ZSCAN5A: variants seen among roughly 807,000 people sequenced by gnomAD.
ZSCAN5A encodes zinc finger and SCAN domain-containing protein 5A.
In ZSCAN5A, 12 loss-of-function variants were observed where a neutral mutation model predicts 23.7. The observed-to-expected ratio is 0.51, with a 90% CI of 0.32 to 0.82. The LOEUF (loss-of-function observed/expected upper bound fraction) is 0.82, where lower values mean the gene tolerates loss of function less well. Ranked by LOEUF, ZSCAN5A falls within the 40% of genes least tolerant of loss-of-function variation. ZSCAN5A has a pLI of 0.03. For synonymous variants in ZSCAN5A, 257 were observed against 239.9 expected, an observed-to-expected ratio of 1.07 and a Z score of -0.66; for missense variants, 597 against 617.9, an observed-to-expected ratio of 0.97 and a Z score of 0.36.
intron 1 of ZSCAN5A, chr19:56,367,849 C>A (rs1036434673): frequency 6.6e-6 from 1 of 152,114 alleles, no homozygotes; most frequent in African/African-American, 2.4e-5. Context: ...GGAGAATGGG[C>A]CTAACCTCAC....
At chr19:56,342,659 T>C (rs908383213) in intron 2 of ZSCAN5A, 5 of 544,060 alleles carry the variant, frequency 9.2e-6, no homozygotes, top group Non-Finnish European at 1.0e-5. Context: ...CTTGACCTCC[T>C]GCCAGTAGGA....
upstream of ZSCAN5A, chr19:56,315,179 G>A (rs1446919325): frequency 6.6e-6 from 1 of 152,378 alleles, no homozygotes; most frequent in Non-Finnish European, 1.5e-5. Context: ...GACGCCGGAA[G>A]TCTGGGAATA....
At chr19:56,259,871 G>A (rs1308475083) in intron 2 of ZSCAN5A, among the ~76,000 whole-genome samples, 4 of 152,220 alleles carry the variant, frequency 2.6e-5, no homozygotes, top group Non-Finnish European at 5.9e-5. Context: ...CTACTCAGCA[G>A]GCTGAGGTGG....
intron 2 of ZSCAN5A, chr19:56,354,672 A>C (rs1008223660): frequency 6.6e-6 from 1 of 152,118 alleles, no homozygotes; most frequent in African/African-American, 2.4e-5. Context: ...TAGAAGTTAA[A>C]CGTAAGAAAG....
intron 2 of ZSCAN5A, among the ~76,000 whole-genome samples, chr19:56,245,711 C>T (rs1352909846): frequency 6.6e-6 from 1 of 152,168 alleles, no homozygotes; most frequent in African/African-American, 2.4e-5. Flanking sequence ...AGGTCCCTTC[C>T]CCATTCAGTT....
chr19:56,279,090 C>A (rs1226457531), intron 2 of ZSCAN5A, among the ~76,000 whole-genome samples: 1 of 152,200 alleles, frequency 6.6e-6, no homozygotes, highest in Non-Finnish European at 1.5e-5. Flanking sequence ...GACGGATGGA[C>A]TCAGTGCCTA....
intron 2 of ZSCAN5A, among the ~76,000 whole-genome samples, chr19:56,299,274 GGC>G (rs896691397): frequency 6.6e-6 from 1 of 151,828 alleles, no homozygotes; most frequent in African/African-American, 2.4e-5. Context: ...TGGGACCACA[GGC>G]ACGAGACACC....
At chr19:56,324,038 CTAT>C (rs1461999850) in intron 2 of ZSCAN5A, among the ~76,000 whole-genome samples, 1 of 152,172 alleles carries the variant, frequency 6.6e-6, no homozygotes, top group East Asian at 1.9e-4. Context: ...TTATTGTTAA[CTAT>C]AGTTGCCCTG....
At chr19:56,354,826 CTG>C (rs1422932661) in intron 2 of ZSCAN5A, among the ~76,000 whole-genome samples, 3 of 152,174 alleles carry the variant, frequency 2.0e-5, no homozygotes, top group Admixed American at 6.5e-5. Context: ...GGCTGAATGA[CTG>C]TGTTTTAGGG....
intron 2 of ZSCAN5A, among the ~76,000 whole-genome samples, chr19:56,260,073 A>C (rs74453144): frequency 0.074 from 11,198 of 152,260 alleles, 1,406 homozygotes; most frequent in African/African-American, 0.25. Flanking sequence ...GGCAAGGAGA[A>C]CACCACTAAC....
chr19:56,355,678 G>A (rs561328786), intron 2 of ZSCAN5A, among the ~76,000 whole-genome samples: 1 of 149,210 alleles, frequency 6.7e-6, no homozygotes, highest in Admixed American at 6.6e-5. Flanking sequence ...GTGTTTATTG[G>A]CAAATAGTGC....
intron 2 of ZSCAN5A, among the ~76,000 whole-genome samples, chr19:56,230,066 C>T (rs2146474069): frequency 6.6e-6 from 1 of 152,116 alleles, no homozygotes; most frequent in African/African-American, 2.4e-5. Context: ...TTTGGATGCC[C>T]TTTATTCCTT....
intron 2 of ZSCAN5A, chr19:56,343,193 T>C: frequency 4.0e-6 from 3 of 745,638 alleles, no homozygotes; most frequent in Non-Finnish European, 7.1e-6. Flanking sequence ...TTCAGGTTTC[T>C]CCTCAGGAGA....
At chr19:56,244,025 A>C (rs927572981) in intron 2 of ZSCAN5A, 33 of 818,260 alleles carry the variant, frequency 4.0e-5, no homozygotes, top group Non-Finnish European at 6.3e-5. Context: ...AGACTGACTG[A>C]AATATTCTCC....
Position 56,332,425 on chromosome 19 carries a change from CTTT to C in ZSCAN5A, c.-357-16160_-357-16158del, listed in dbSNP as rs527244979. Among the ~76,000 whole-genome samples the C allele has an allele frequency of 3.6e-3, 554 of 152,200 alleles. 2 individuals are homozygous for C. The highest frequency in any genetic ancestry group is 5.7e-3 in the Non-Finnish European group (389 of 67,998). On this transcript the variant is annotated intron_variant, in intron 2 of 6. Coordinates refer to the ZSCAN5A transcript ENST00000587340. ...TCATTATGAAATGTTTTTCTTCATACTTTTTTATTTTTGTTGTTTTAAAGTCTG... is the reference window on the plus strand; with the variant it reads ...TCATTATGAAATGTTTTTCTTCATACTTTATTTTTGTTGTTTTAAAGTCTG...
intron 2 of ZSCAN5A, among the ~76,000 whole-genome samples, chr19:56,265,484 G>A (rs1396625285): frequency 6.6e-6 from 1 of 151,620 alleles, no homozygotes; most frequent in East Asian, 1.9e-4. Context: ...ATGGAAGGAA[G>A]ACTATGTACA....
intron 2 of ZSCAN5A, among the ~76,000 whole-genome samples, chr19:56,240,373 C>T (rs554840744): frequency 6.6e-6 from 1 of 152,226 alleles, no homozygotes; most frequent in Admixed American, 6.5e-5. Context: ...CTCGGATCAC[C>T]TAAAATGGAT....
At chr19:56,322,852 ACT>A (rs1430223446) in intron 2 of ZSCAN5A, among the ~76,000 whole-genome samples, 2 of 146,044 alleles carry the variant, frequency 1.4e-5, no homozygotes, top group Non-Finnish European at 3.0e-5. Flanking sequence ...TAGTTGTTAG[ACT>A]CTCTTGGTTT....
Position 56,314,798 on chromosome 19 carries a change from G to C in ZSCAN5A, c.-347C>G, listed in dbSNP as rs961599325. 1 of 152,336 alleles carries C rather than the reference G, an allele frequency of 6.6e-6. No individual in the cohort carries two copies. The highest frequency in any genetic ancestry group is 2.4e-5 in the African/African-American group (1 of 41,478). 9.4% of individuals were successfully genotyped at this position (152,336 alleles called of 1,614,324 possible). ...GTAGGACCTGGCGAGTGGGGCCGGGGAGAGCGGGACGCCTGGATCGGGAAC... is the reference window on the plus strand; with the variant it reads ...GTAGGACCTGGCGAGTGGGGCCGGGCAGAGCGGGACGCCTGGATCGGGAAC... On this transcript the variant is annotated 5_prime_UTR_variant, in exon 1 of 6. Coordinates refer to ENST00000683990, the MANE Select transcript of ZSCAN5A (RefSeq NM_001322064.3).
Sources: gnomAD v4.1 joint callset for allele counts (sites outside exome capture counted in the v4.1 genomes callset) on GRCh38, gnomAD v4.1.1 for gene constraint, MANE v1.5 for transcripts, NCBI Gene and HGNC (gene_info 2026-07-23, HGNC 2026-07-21) for gene names.